Variants in SYT14 observed in about 807,000 individuals in gnomAD.
SYT14 encodes the protein synaptotagmin 14.
SYT14 carries 32 observed loss-of-function variants against 74.2 expected under a neutral mutation model. The observed-to-expected ratio is 0.43, with a 90% CI of 0.33 to 0.58. The LOEUF (loss-of-function observed/expected upper bound fraction) is 0.58, where lower values mean the gene tolerates loss of function less well. Ranked by LOEUF, SYT14 falls within the 20% of genes least tolerant of loss-of-function variation. The pLI, the probability that SYT14 is intolerant of heterozygous loss-of-function variation, is 0.05. For synonymous variants in SYT14, 298 were observed against 337.7 expected (o/e 0.88, Z 1.29); for missense variants, 791 against 981.8 (o/e 0.81, Z 2.60).
Position 210,074,272 on chromosome 1 carries a change from G to A in SYT14, c.1313-20050G>A, listed in dbSNP as rs1000292276. Among the ~76,000 whole-genome samples, 11 of 152,256 alleles carry A rather than the reference G, an allele frequency of 7.2e-5. 2 individuals are homozygous for A. The South Asian group carries it at 2.3e-3, about 32-fold the overall frequency. On this transcript the variant is annotated intron_variant, in intron 5 of 9. Transcript: ENST00000637265. ...GTTAATCTTCAAAAATTACAATAAGGTTGATGCTATTACAATTCCTGATTT... is the reference window on the plus strand; with the variant it reads ...GTTAATCTTCAAAAATTACAATAAGATTGATGCTATTACAATTCCTGATTT...
intron 7 of SYT14, 112 bp from the exon 7 acceptor site, chr1:210,155,609 A>C: frequency 8.7e-6 from 10 of 1,151,884 alleles, no homozygotes; most frequent in Non-Finnish European, 1.3e-5. Context: ...TTGGTTTGCA[A>C]CTCATCTTTA....
intron 7 of SYT14, among the ~76,000 whole-genome samples, chr1:210,125,196 C>A (rs2082544273): frequency 6.6e-6 from 1 of 151,994 alleles, no homozygotes; most frequent in African/African-American, 2.4e-5. Context: ...TGAGTAGTTT[C>A]TCAATCCTTA....
At chr1:210,069,306 A>G (rs571678795) in intron 5 of SYT14, among the ~76,000 whole-genome samples, 1 of 152,048 alleles carries the variant, frequency 6.6e-6, no homozygotes, top group Admixed American at 6.6e-5. Context: ...TATTGAGTTC[A>G]ACTCATCTGC....
chr1:210,031,909 A>G (rs1490074084), intron 5 of SYT14, among the ~76,000 whole-genome samples: 1 of 132,868 alleles, frequency 7.5e-6, no homozygotes, highest in Non-Finnish European at 1.8e-5. Flanking sequence ...TTTTTCTAAA[A>G]GAAGGTAACA....
At chr1:210,014,426 T>A (rs1215615313) in intron 3 of SYT14, among the ~76,000 whole-genome samples, 1 of 151,626 alleles carries the variant, frequency 6.6e-6, no homozygotes, top group Non-Finnish European at 1.5e-5. Flanking sequence ...GTTTTTTTTT[T>A]TTTTAATTAC....
At chr1:210,006,199 A>G (rs970880425) in intron 2 of SYT14, among the ~76,000 whole-genome samples, 1 of 151,950 alleles carries the variant, frequency 6.6e-6, no homozygotes, top group Admixed American at 6.6e-5. Context: ...TGTTTTTTAT[A>G]AAATCTGGAG....
At chr1:210,054,307 T>G (rs578257143) in intron 5 of SYT14, among the ~76,000 whole-genome samples, 1 of 152,192 alleles carries the variant, frequency 6.6e-6, no homozygotes, top group Non-Finnish European at 1.5e-5. Context: ...ATTATTCATT[T>G]GATATTGAAA....
At chr1:210,021,758 A>G (rs151227284) in intron 5 of SYT14, among the ~76,000 whole-genome samples, 2 of 152,170 alleles carry the variant, frequency 1.3e-5, no homozygotes, top group South Asian at 4.1e-4. Flanking sequence ...TCTGAGATGA[A>G]TTTATTGAGA....
intron 5 of SYT14, among the ~76,000 whole-genome samples, chr1:210,071,190 C>T (rs2081387423): frequency 9.1e-6 from 1 of 110,108 alleles, no homozygotes; most frequent in Non-Finnish European, 2.2e-5. Context: ...GAGTTGGAAC[C>T]TCTGTGAAAT....
intron 4 of SYT14, among the ~76,000 whole-genome samples, chr1:210,019,294 A>T (rs2080255472): frequency 1.3e-5 from 2 of 152,164 alleles, no homozygotes; most frequent in African/African-American, 4.8e-5. Context: ...CCACCATGGT[A>T]TCCCAGAAAG....
At chr1:210,155,729 C>T (rs1483423396) in exon 8 of SYT14, 2 of 1,613,908 alleles carry the variant, frequency 1.2e-6, no homozygotes, top group East Asian at 2.2e-5. Context: ...AGGGCTGTGA[C>T]TCCCAAATGA....
chr1:209,959,256 C>T (rs1042280657), intron 2 of SYT14, among the ~76,000 whole-genome samples: 2 of 152,102 alleles, frequency 1.3e-5, no homozygotes, highest in African/African-American at 4.8e-5. Context: ...GATTCTCATG[C>T]CTCAGCCTCC....
chr1:210,102,726 G>T (rs968716703), intron 7 of SYT14, among the ~76,000 whole-genome samples: 1 of 152,096 alleles, frequency 6.6e-6, no homozygotes, highest in African/African-American at 2.4e-5. Flanking sequence ...GGGTCACCCA[G>T]GCTGGGGTGT....
intron 5 of SYT14, among the ~76,000 whole-genome samples, chr1:210,060,168 A>G (rs1194097213): frequency 6.6e-6 from 1 of 152,168 alleles, no homozygotes; most frequent in Non-Finnish European, 1.5e-5. Context: ...TGTAAATAGC[A>G]GACATGGTTT....
At chr1:210,120,594 A>G (rs1384901596) in intron 7 of SYT14, among the ~76,000 whole-genome samples, 1 of 152,184 alleles carries the variant, frequency 6.6e-6, no homozygotes, top group Non-Finnish European at 1.5e-5. Flanking sequence ...CCTAGGAGCA[A>G]TAGGCTATAC....
chr1:210,016,330 A>C (rs2080181835), exon 4 of SYT14: 36 of 1,232,170 alleles, frequency 2.9e-5, no homozygotes, highest in Non-Finnish European at 3.5e-5. Context: ...CACTAAAGCA[A>C]GATCAAGGAA....
intron 5 of SYT14, among the ~76,000 whole-genome samples, chr1:210,053,138 T>C (rs1403982967): frequency 6.6e-6 from 1 of 152,206 alleles, no homozygotes; most frequent in African/African-American, 2.4e-5. Context: ...ATTTAACTTT[T>C]TATGTTCATG....
intron 2 of SYT14, among the ~76,000 whole-genome samples, chr1:209,961,729 A>G (rs539919730): frequency 1.0e-4 from 15 of 148,668 alleles, no homozygotes; most frequent in African/African-American, 3.4e-4. Flanking sequence ...AATCAGATGT[A>G]TTTTTTTTTT....
At position 210,160,705 on chromosome 1, in the gene SYT14, A is replaced by T. The variant is rs368388143; in HGVS notation, c.2282-24A>T. 57 of 1,602,204 alleles carry T rather than the reference A, an allele frequency of 3.6e-5. No individual in the cohort carries two copies. In the African/African-American group the frequency reaches 6.8e-4, roughly 19 times the overall value. On this transcript the variant is annotated intron_variant, in intron 9 of 9. Coordinates refer to ENST00000637265, the Ensembl canonical transcript of SYT14. ...GAGTTTGTTTCAAATGATATTTGTG[A>T]TACGTTGTCTTTTTCTTCTTTAGAT... is the stretch of plus-strand genomic sequence containing the variant.
Sources: allele counts gnomAD v4.1 joint callset (sites outside exome capture counted in the v4.1 genomes callset), GRCh38; gene constraint gnomAD v4.1.1; transcripts MANE v1.5; gene names NCBI Gene and HGNC (gene_info 2026-07-23, HGNC 2026-07-21).